The following CPED1 variants were observed in gnomAD, a reference collection of about 807,000 sequenced individuals.
The protein encoded by CPED1 is cadherin-like and PC-esterase domain-containing protein 1.
In CPED1, 114 loss-of-function variants were observed where a neutral mutation model predicts 128.2. The observed-to-expected ratio is 0.89, with a 90% confidence interval of 0.76 to 1.04. CPED1 has a LOEUF of 1.04. Among genes scored for constraint, CPED1 ranks in the 50% least tolerant of loss-of-function variants. CPED1 has a pLI of 0.00. For missense variants in CPED1, 1,211 were observed against 1,207.1 expected (o/e 1.00, Z -0.05); for synonymous variants, 462 against 426.7 (o/e 1.08, Z -1.02).
chr7:121,128,332 T>C (rs1223746296), intron 10 of CPED1, 50 bp from the exon 11 acceptor site: 3 of 1,016,014 alleles, frequency 3.0e-6, no homozygotes, highest in Non-Finnish European at 3.1e-6. Flanking sequence ...GGGTTGAACA[T>C]GGTTTGACTT....
rs141875723 is a variant in CPED1, at chr7:121,128,714, A to G, written c.1407+228A>G. ...TGTGACTTATTAAAGGTAAAAGAAC[A>G]TGGGATTAGCATAGCTGCCAGAATT... On this transcript the variant is annotated intron_variant, in intron 11 of 22. Transcript: ENST00000310396. Among the ~76,000 whole-genome samples, 71 of 152,298 alleles carry G rather than the reference A, an allele frequency of 4.7e-4. 3 individuals carry two copies. The East Asian group carries it at 0.013, about 29-fold the overall frequency.
At chr7:121,258,602 T>G (rs1437562958) in intron 18 of CPED1, among the ~76,000 whole-genome samples, 1 of 152,094 alleles carries the variant, frequency 6.6e-6, no homozygotes, top group African/African-American at 2.4e-5. Flanking sequence ...GTCTTTGATT[T>G]GCTTTCTACT....
intron 5 of CPED1, among the ~76,000 whole-genome samples, chr7:121,081,751 TG>T (rs1794301246): frequency 6.6e-6 from 1 of 152,184 alleles, no homozygotes; most frequent in African/African-American, 2.4e-5. Context: ...GCTTTTGGCT[TG>T]TTGTGTAGAT....
At chr7:121,232,445 C>A (rs186389476) in intron 16 of CPED1, among the ~76,000 whole-genome samples, 10 of 152,244 alleles carry the variant, frequency 6.6e-5, no homozygotes, top group African/African-American at 2.4e-4. Flanking sequence ...TGTCCAGTCA[C>A]ATGGCTTAGG....
chr7:121,147,260 C>A (rs142138745), intron 16 of CPED1, among the ~76,000 whole-genome samples: 2 of 152,218 alleles, frequency 1.3e-5, no homozygotes, highest in East Asian at 1.9e-4. Context: ...TGATACTATT[C>A]TGACAGCTCT....
intron 22 of CPED1, among the ~76,000 whole-genome samples, chr7:121,278,909 C>T (rs1045056879): frequency 9.2e-5 from 14 of 152,080 alleles, no homozygotes; most frequent in African/African-American, 3.4e-4. Flanking sequence ...AATACTGAAA[C>T]CTAGAATGTC....
chr7:121,236,947 A>C, intron 17 of CPED1, 116 bp downstream of exon 17: 1 of 493,454 alleles, frequency 2.0e-6, no homozygotes. Context: ...TTTTATTGAC[A>C]ATGAACTATA....
At chr7:121,292,270 T>C (rs1032542899) in intron 22 of CPED1, among the ~76,000 whole-genome samples, 1 of 151,928 alleles carries the variant, frequency 6.6e-6, no homozygotes, top group African/African-American at 2.4e-5. Flanking sequence ...AAGTTGATCT[T>C]CAATCTCTGA....
intron 5 of CPED1, among the ~76,000 whole-genome samples, chr7:121,088,566 G>A (rs1169849378): frequency 6.6e-6 from 1 of 151,460 alleles, no homozygotes; most frequent in African/African-American, 2.4e-5. Flanking sequence ...GGCTGAGGCA[G>A]GAGAATCGCA....
chr7:121,140,705 G>C, intron 14 of CPED1, 122 bp from the exon 15 acceptor site: 1 of 677,056 alleles, frequency 1.5e-6, no homozygotes, highest in South Asian at 2.0e-5. Context: ...TGATTGGAAA[G>C]TCAGCAGGGA....
intron 4 of CPED1, among the ~76,000 whole-genome samples, chr7:121,055,205 T>C (rs1009625764): frequency 1.3e-5 from 2 of 152,170 alleles, no homozygotes; most frequent in Admixed American, 1.3e-4. Flanking sequence ...TTTTTCTCTC[T>C]TAAGGGTGAT....
chr7:121,116,629 TG>T lies in CPED1; in HGVS notation c.919-7700del, dbSNP rs1471460424. On this transcript the variant is annotated intron_variant, in intron 7 of 22. Coordinates refer to ENST00000310396, the MANE Select transcript of CPED1 (RefSeq NM_024913.5). ...TAAAAATACAGATGATTCATTCTTC[TG>T]GATTTCAGGGTCCATCCATAGTCCT... Among the ~76,000 whole-genome samples the T allele has an allele frequency of 6.6e-5, 10 of 152,184 alleles. 1 individual carries two copies. Among genetic ancestry groups the T allele is most frequent in the African/African-American group, 2.4e-4 (10 of 41,450 alleles).
intron 3 of CPED1, among the ~76,000 whole-genome samples, chr7:121,032,295 A>T (rs898535683): frequency 2.0e-5 from 3 of 152,194 alleles, no homozygotes; most frequent in African/African-American, 7.2e-5. Flanking sequence ...AATTAGAGAT[A>T]AAAACAGTGA....
chr7:121,053,923 T>C (rs563111399), intron 4 of CPED1, among the ~76,000 whole-genome samples: 3 of 152,342 alleles, frequency 2.0e-5, no homozygotes, highest in East Asian at 1.9e-4. Flanking sequence ...AGCTTATTCA[T>C]GTTGACTCCT....
chr7:121,272,764 A>G (rs191610007), intron 22 of CPED1, among the ~76,000 whole-genome samples: 1 of 152,170 alleles, frequency 6.6e-6, no homozygotes, highest in Non-Finnish European at 1.5e-5. Context: ...TACCAGTTCT[A>G]ATGCTTCCCA....
At chr7:121,045,498 T>A (rs1230386551) in intron 3 of CPED1, among the ~76,000 whole-genome samples, 1 of 152,222 alleles carries the variant, frequency 6.6e-6, no homozygotes, top group African/African-American at 2.4e-5. Flanking sequence ...TTTTCATAGA[T>A]CCCTCTTCCT....
chr7:121,103,868 AT>A (rs1794910501), intron 7 of CPED1, among the ~76,000 whole-genome samples: 1 of 152,108 alleles, frequency 6.6e-6, no homozygotes, highest in Admixed American at 6.6e-5. Flanking sequence ...CTATGAGCTC[AT>A]TTATTTCCAA....
rs139502565 is a variant in CPED1, at chr7:121,075,644, A to G, written c.616+11331A>G. On this transcript the variant is annotated intron_variant, in intron 5 of 22. Coordinates refer to ENST00000310396, the MANE Select transcript of CPED1 (RefSeq NM_024913.5). ...TGCCCGGCTAATTTTTGTTATTTTT[A>G]GTAGAGGTAGGGTTTCACCATATTG... 1.0e-3 allele frequency among the ~76,000 whole-genome samples: 155 copies of G among 152,110 alleles called. 1 individual carries two copies. Among genetic ancestry groups the G allele is most frequent in the Middle Eastern group, 3.4e-3 (1 of 294 alleles).
chr7:121,097,668 G>T lies in CPED1; in HGVS notation c.617-31G>T. The T allele has an allele frequency of 1.9e-6, 3 of 1,610,416 alleles. No individual in the cohort carries two copies. In the South Asian group the frequency reaches 3.3e-5, roughly 18 times the overall value. On this transcript the variant is annotated intron_variant, in intron 5 of 22. Coordinates refer to ENST00000310396, the MANE Select transcript of CPED1 (RefSeq NM_024913.5). ...CAGTTCCAGAAAGAAACAATAAAATGACTGTCTTCTGCTCTCTTGAATCTT... is the reference window on the plus strand; with the variant it reads ...CAGTTCCAGAAAGAAACAATAAAATTACTGTCTTCTGCTCTCTTGAATCTT...
Sources: gnomAD v4.1 joint callset for allele counts (sites outside exome capture counted in the v4.1 genomes callset) on GRCh38, gnomAD v4.1.1 for gene constraint, MANE v1.5 for transcripts, NCBI Gene and HGNC (gene_info 2026-07-23, HGNC 2026-07-21) for gene names.